Variants in TUNAR observed in about 807,000 individuals in gnomAD.
TUNAR encodes protein TUNAR.
chr14:95,877,682 C>G (rs1888910849), intron 2 of TUNAR, among the ~76,000 whole-genome samples: 3 of 152,166 alleles, frequency 2.0e-5, no homozygotes, highest in South Asian at 2.1e-4. Context: ...AGACTGTTCC[C>G]TTTGTAACAA....
intron 2 of TUNAR, among the ~76,000 whole-genome samples, chr14:95,908,579 C>G (rs559843099): frequency 6.6e-6 from 1 of 152,324 alleles, no homozygotes; most frequent in Non-Finnish European, 1.5e-5. Flanking sequence ...CTACTGTTGG[C>G]TCCATTTTAA....
chr14:95,912,299 A>G (rs1307144789), intron 2 of TUNAR, among the ~76,000 whole-genome samples: 1 of 152,178 alleles, frequency 6.6e-6, no homozygotes, highest in Non-Finnish European at 1.5e-5. Flanking sequence ...ATCATGTTGA[A>G]TTTATGTGAT....
chr14:95,885,276 T>C (rs1029958071), intron 2 of TUNAR, among the ~76,000 whole-genome samples: 7 of 152,198 alleles, frequency 4.6e-5, no homozygotes, highest in Admixed American at 2.0e-4. Context: ...TCTGGACATA[T>C]TGACCAAGCC....
intron 2 of TUNAR, among the ~76,000 whole-genome samples, chr14:95,882,673 TTAA>T (rs1566784256): frequency 6.6e-6 from 1 of 152,168 alleles, no homozygotes; most frequent in Non-Finnish European, 1.5e-5. Flanking sequence ...CTTCTGTTTC[TTAA>T]TAATCTATGA....
chr14:95,880,050 C>T (rs1031174511), intron 2 of TUNAR, among the ~76,000 whole-genome samples: 29 of 152,148 alleles, frequency 1.9e-4, no homozygotes, highest in Admixed American at 6.5e-4. Context: ...GGTTTATTCC[C>T]GACTCAGTTG....
rs184986228 is a variant in TUNAR at position 95,882,778 on chromosome 14, C to T, written c.12+5601C>T. 1.4e-4 allele frequency among the ~76,000 whole-genome samples: 22 copies of T among 152,282 alleles called. No individual in the cohort carries two copies. In the East Asian group the frequency reaches 2.5e-3, roughly 17 times the overall value. On this transcript the variant is annotated intron_variant, in intron 2 of 2. Transcript: ENST00000678517. The stretch of plus-strand genomic sequence containing the variant: ...TTTTTCCCAACCTGCCACATTTCTC[C>T]GCCTCTATCTGCTAATATGGTCTGG...
chr14:95,880,365 G>A (rs1487981033), intron 2 of TUNAR, among the ~76,000 whole-genome samples: 1 of 152,172 alleles, frequency 6.6e-6, no homozygotes, highest in Non-Finnish European at 1.5e-5. Flanking sequence ...CCCTGAGTGT[G>A]TGAAGGAGGA....
chr14:95,902,589 G>C (rs1889371370), intron 2 of TUNAR, among the ~76,000 whole-genome samples: 2 of 152,212 alleles, frequency 1.3e-5, no homozygotes, highest in Admixed American at 6.5e-5. Context: ...ACTTACGGGA[G>C]CTGTTCTGTG....
intron 2 of TUNAR, among the ~76,000 whole-genome samples, chr14:95,907,577 G>A (rs940977018): frequency 6.6e-6 from 1 of 152,168 alleles, no homozygotes; most frequent in African/African-American, 2.4e-5. Context: ...AATGAGGTAT[G>A]CAGACAAGTG....
At chr14:95,906,651 C>T (rs1409126203) in intron 2 of TUNAR, among the ~76,000 whole-genome samples, 2 of 152,162 alleles carry the variant, frequency 1.3e-5, no homozygotes, top group Admixed American at 6.5e-5. Context: ...TCTTTTCTTT[C>T]CCACCCCCTT....
intron 2 of TUNAR, among the ~76,000 whole-genome samples, chr14:95,891,314 C>T (rs1378216305): frequency 3.3e-5 from 5 of 152,282 alleles, no homozygotes; most frequent in African/African-American, 9.6e-5. Flanking sequence ...AGGCTGCCAG[C>T]GGTTGTGTTC....
At chr14:95,887,099 G>A (rs549612061) in intron 2 of TUNAR, among the ~76,000 whole-genome samples, 1 of 152,304 alleles carries the variant, frequency 6.6e-6, no homozygotes, top group South Asian at 2.1e-4. Context: ...TCTCTTTGGA[G>A]CTCTAGGGCT....
intron 2 of TUNAR, among the ~76,000 whole-genome samples, chr14:95,911,773 C>T (rs968759766): frequency 6.6e-6 from 1 of 152,160 alleles, no homozygotes; most frequent in Admixed American, 6.5e-5. Flanking sequence ...CTTCCTTTTC[C>T]GGAATGTCTG....
intron 2 of TUNAR, among the ~76,000 whole-genome samples, chr14:95,916,452 A>G (rs1453296564): frequency 2.0e-5 from 3 of 152,210 alleles, no homozygotes; most frequent in African/African-American, 7.2e-5. Flanking sequence ...GGCACGTTCC[A>G]GCATTTCATT....
At chr14:95,920,687 C>T (rs1395941479) in intron 2 of TUNAR, among the ~76,000 whole-genome samples, 2 of 152,124 alleles carry the variant, frequency 1.3e-5, no homozygotes, top group African/African-American at 2.4e-5. Context: ...AAGGTGCGAG[C>T]GACCCAGCCC....
chr14:95,916,438 C>T (rs570910854), intron 2 of TUNAR, among the ~76,000 whole-genome samples: 7 of 152,284 alleles, frequency 4.6e-5, no homozygotes, highest in Admixed American at 2.0e-4. Context: ...TTCATCCATG[C>T]GATGGCACGT....
chr14:95,910,123 C>T (rs570991025), intron 2 of TUNAR, among the ~76,000 whole-genome samples: 3 of 152,182 alleles, frequency 2.0e-5, no homozygotes, highest in Non-Finnish European at 4.4e-5. Flanking sequence ...TACAAACTTC[C>T]TGGAGTGTTG....
chr14:95,884,470 C>A (rs970787175), intron 2 of TUNAR, among the ~76,000 whole-genome samples: 5 of 152,194 alleles, frequency 3.3e-5, no homozygotes, highest in African/African-American at 1.2e-4. Flanking sequence ...TGCCACTATG[C>A]TGAAAACCCC....
At chr14:95,899,257 T>C (rs919862198) in intron 2 of TUNAR, among the ~76,000 whole-genome samples, 2 of 152,132 alleles carry the variant, frequency 1.3e-5, no homozygotes, top group African/African-American at 4.8e-5. Context: ...GGATGGTTGG[T>C]GGCTTCTCAT....
Sources: gnomAD v4.1 joint callset for allele counts (sites outside exome capture counted in the v4.1 genomes callset) on GRCh38, gnomAD v4.1.1 for gene constraint, MANE v1.5 for transcripts, NCBI Gene and HGNC (gene_info 2026-07-23, HGNC 2026-07-21) for gene names.